Variants in PARP12 observed in about 807,000 individuals in gnomAD.
PARP12 encodes protein mono-ADP-ribosyltransferase PARP12.
Under a neutral mutation model 72.4 loss-of-function variants are expected in PARP12, and 59 were observed. That is an observed-to-expected ratio of 0.81 (90% CI 0.66 to 1.01). PARP12 has a LOEUF of 1.01. Ranked by LOEUF, PARP12 falls within the 50% of genes least tolerant of loss-of-function variation. The pLI is 0.00. For missense variants in PARP12, 851 were observed against 914.0 expected (o/e 0.93, Z 0.89); for synonymous variants, 403 against 371.4 (o/e 1.09, Z -0.98).
intron 4 of PARP12, among the ~76,000 whole-genome samples, chr7:140,051,070 AG>A (rs1325020766): frequency 6.6e-6 from 1 of 152,198 alleles, no homozygotes; most frequent in African/African-American, 2.4e-5. Context: ...GGGGGAGGGA[AG>A]ACTGCTAATG....
rs1436493631 is a variant in PARP12 at position 140,023,839 on chromosome 7, A to G, written c.*721T>C. On this transcript the variant is annotated 3_prime_UTR_variant, in exon 12 of 12. Coordinates refer to ENST00000263549, the MANE Select transcript of PARP12 (RefSeq NM_022750.4). Reference sequence around the variant, plus strand: ...ACAGGGATGTTAAAACCCACACTCGAAGGGTGTCCAGTGTGCTTAGGAAAT... The same window carrying G: ...ACAGGGATGTTAAAACCCACACTCGGAGGGTGTCCAGTGTGCTTAGGAAAT... The G allele has an allele frequency of 6.5e-6, 1 of 154,304 alleles. No homozygotes were observed. The highest frequency in any genetic ancestry group is 2.4e-5 in the African/African-American group (1 of 41,450). 9.6% of individuals were successfully genotyped at this position (154,304 alleles called of 1,614,324 possible).
intron 1 of PARP12, 106 bp downstream of exon 1, chr7:140,062,416 C>T (rs1377935502): frequency 3.4e-6 from 4 of 1,171,430 alleles, no homozygotes; most frequent in Admixed American, 5.2e-5. Context: ...AGGGCAGAGC[C>T]ACCGAATTGT....
chr7:140,056,898 G>C lies in PARP12; in HGVS notation c.718C>G (p.Pro240Ala), dbSNP rs776885489. ...AHDIKNKSSA[P>A]SRVPPLFVPQ... ...ACAAAAAGAGGAGGCACTCTGCTGGGGGCAGAGCTCTTATTCTTGATGTCA... is the reference window on the plus strand; with the variant it reads ...ACAAAAAGAGGAGGCACTCTGCTGGCGGCAGAGCTCTTATTCTTGATGTCA... The change falls in exon 3 of 12, where the codon CCC (proline) becomes GCC (alanine). Residue 240 changes from proline to alanine, a missense_variant. Transcript: ENST00000263549. The C allele has an allele frequency of 5.6e-6, 9 of 1,612,768 alleles. No individual in the cohort carries two copies. The highest frequency in any genetic ancestry group is 7.6e-6 in the Non-Finnish European group (9 of 1,179,872).
chr7:140,027,711 C>A (rs1426075271), intron 9 of PARP12: 5 of 222,302 alleles, frequency 2.2e-5, no homozygotes, highest in African/African-American at 4.4e-5. Context: ...TTCCAAGAAC[C>A]TACTGATGAT....
At chr7:140,038,843 G>A (rs960138544) in intron 6 of PARP12, among the ~76,000 whole-genome samples, 2 of 152,106 alleles carry the variant, frequency 1.3e-5, no homozygotes, top group South Asian at 2.1e-4. Flanking sequence ...ATGCCTCTGC[G>A]CAACTGAGTC....
Position 140,027,270 on chromosome 7 carries a change from A to G in PARP12, c.1628+6T>C, listed in dbSNP as rs767097344. On this transcript the variant is annotated splice_donor_region_variant and intron_variant, in intron 10 of 11. Transcript: ENST00000263549. ...ACCAGCCCACCAAGAGCGAGCCCCA[A>G]CGCACCACTGGTAGACTTCCCAGAG... 6.2e-7 allele frequency: 1 copy of G among 1,612,948 alleles called. No individual in the cohort carries two copies. Among genetic ancestry groups the G allele is most frequent in the Non-Finnish European group, 8.5e-7 (1 of 1,179,256 alleles).
intron 5 of PARP12, among the ~76,000 whole-genome samples, chr7:140,045,604 T>C (rs777290202): frequency 3.3e-5 from 5 of 152,098 alleles, no homozygotes; most frequent in Non-Finnish European, 7.4e-5. Flanking sequence ...AAAAGTCTGT[T>C]AAGATAAAGA....
intron 1 of PARP12, among the ~76,000 whole-genome samples, chr7:140,060,752 C>T (rs565935609): frequency 6.6e-6 from 1 of 152,082 alleles, no homozygotes; most frequent in Admixed American, 6.6e-5. Context: ...CCTGCTCTCC[C>T]CTGGACTGCC....
intron 5 of PARP12, among the ~76,000 whole-genome samples, chr7:140,043,973 A>G (rs752745907): frequency 6.6e-6 from 1 of 152,270 alleles, no homozygotes. Context: ...AGAGAATAAA[A>G]GAGAAGTTAG....
intron 4 of PARP12, among the ~76,000 whole-genome samples, chr7:140,051,469 C>T (rs1250911787): frequency 2.0e-5 from 3 of 151,992 alleles, no homozygotes; most frequent in Non-Finnish European, 4.4e-5. Flanking sequence ...CGGCTCACCG[C>T]AACCTCCACC....
intron 5 of PARP12, among the ~76,000 whole-genome samples, chr7:140,043,023 G>T (rs563757496): frequency 3.3e-5 from 5 of 152,046 alleles, no homozygotes; most frequent in Non-Finnish European, 5.9e-5. Context: ...GTGAAACCCC[G>T]TCTCTACTAA....
At chr7:140,058,355 T>A (rs142871684) in intron 1 of PARP12, among the ~76,000 whole-genome samples, 1 of 151,804 alleles carries the variant, frequency 6.6e-6, no homozygotes, top group Admixed American at 6.6e-5. Context: ...ACTAAAAATA[T>A]AAAAAATTAG....
intron 7 of PARP12, 62 bp from the exon 8 acceptor site, chr7:140,034,393 A>G (rs1267662807): frequency 1.5e-6 from 2 of 1,330,004 alleles, no homozygotes; most frequent in African/African-American, 2.9e-5. Flanking sequence ...ACAGGATGGC[A>G]ATGTTTTATA....
intron 1 of PARP12, among the ~76,000 whole-genome samples, chr7:140,059,078 G>A (rs1192636748): frequency 2.0e-5 from 3 of 150,876 alleles, no homozygotes; most frequent in Non-Finnish European, 4.4e-5. Context: ...CTGGGCAACA[G>A]GAGCGAGACT....
intron 8 of PARP12, among the ~76,000 whole-genome samples, chr7:140,032,272 A>G (rs1815967088): frequency 6.6e-6 from 1 of 152,106 alleles, no homozygotes; most frequent in Non-Finnish European, 1.5e-5. Context: ...TAATGATTCA[A>G]GCCCATGGAA....
At chr7:140,051,188 C>T (rs1338038636) in intron 4 of PARP12, among the ~76,000 whole-genome samples, 1 of 152,026 alleles carries the variant, frequency 6.6e-6, no homozygotes, top group Non-Finnish European at 1.5e-5. Context: ...TCAAAAAGTT[C>T]ATGGAAAACG....
rs1261343002 is a variant in PARP12, at chr7:140,036,019, G to C, written c.1325-1688C>G. On this transcript the variant is annotated intron_variant, in intron 7 of 11. Coordinates refer to ENST00000263549, the MANE Select transcript of PARP12 (RefSeq NM_022750.4). ...AGGAGGAGAAGGAGGAGAAGGAGGA[G>C]AAGGAGGAGAAGGAGGAGAAGGAGG... Among the ~76,000 whole-genome samples, 6 of 59,740 alleles carry C rather than the reference G, an allele frequency of 1.0e-4. 2 individuals are homozygous for C. Among genetic ancestry groups the C allele is most frequent in the African/African-American group, 6.6e-4 (6 of 9,048 alleles). The allele number at this position is 59,740 out of a possible 152,430, so 39.2% of individuals were successfully genotyped here.
chr7:140,036,716 G>A (rs1416333680), intron 7 of PARP12, among the ~76,000 whole-genome samples: 1 of 152,094 alleles, frequency 6.6e-6, no homozygotes, highest in Non-Finnish European at 1.5e-5. Flanking sequence ...CATTCAGAAG[G>A]ACTCAGAGTT....
rs765224156 is a variant in PARP12 at position 140,062,544 on chromosome 7, C to T, written c.304G>A (p.Ala102Thr). Residue 102 changes from alanine (A) to threonine (T), a missense_variant, in exon 1 of 12, where the codon GCC becomes ACC. Ala to Thr is a moderately conservative substitution (Grantham distance 58). Transcript: ENST00000263549. ...LHLCRFMVYG[A>T]CKFLRAGKNC... ...TACCCGGCTCTCAGGAACTTGCAGG[C>T]GCCGTAGACCATGAACCTGCAGAGG... is the stretch of plus-strand genomic sequence containing the variant. 1.0e-5 allele frequency: 16 copies of T among 1,554,898 alleles called. No individual in the cohort carries two copies. The highest frequency in any genetic ancestry group is 1.4e-5 in the Non-Finnish European group (16 of 1,154,858).
Sources: gnomAD v4.1 joint callset for allele counts (sites outside exome capture counted in the v4.1 genomes callset) on GRCh38, gnomAD v4.1.1 for gene constraint, MANE v1.5 for transcripts, NCBI Gene and HGNC (gene_info 2026-07-23, HGNC 2026-07-21) for gene names.